The following OTUD5 variants were observed in gnomAD, a reference collection of about 807,000 sequenced individuals.
OTUD5 encodes the protein OTU deubiquitinase 5.
In OTUD5, 2 loss-of-function variants were observed where a neutral mutation model predicts 36.3. The observed-to-expected ratio is 0.06, with a 90% CI of 0.02 to 0.17. OTUD5 has a LOEUF of 0.17. Ranked by LOEUF, OTUD5 falls within the 10% of genes least tolerant of loss-of-function variation. The pLI is 1.00. For synonymous variants in OTUD5, 234 were observed against 214.9 expected (o/e 1.09, Z -0.78); for missense variants, 233 against 512.3 (o/e 0.45, Z 5.26).
In OTUD5 at chrX:48,922,704, C is replaced by A. The variant is rs782394079; in HGVS notation, c.*470G>T. 3.4e-5 allele frequency: 26 copies of A among 755,804 alleles called. No individual in the cohort carries two copies. The highest frequency in any genetic ancestry group is 4.1e-5 in the Non-Finnish European group (26 of 640,879). The allele number at this position is 755,804 out of a possible 1,213,427, so 62.3% of individuals were successfully genotyped here. A position where few individuals can be genotyped will look rare whatever the true frequency, so the allele number is the denominator to read the frequency against. On this transcript the variant is annotated 3_prime_UTR_variant, in exon 9 of 9. Transcript: ENST00000376488. ...GAAGGCTCAGACGTTCTTGGGGGTA[C>A]TGGGAAGGGAAATTTCCCACTTCTT... is the stretch of plus-strand genomic sequence containing the variant.
chrX:48,955,729 G>A (rs781857979), intron 1 of OTUD5, among the ~76,000 whole-genome samples: 17 of 111,081 alleles, frequency 1.5e-4, no homozygotes, highest in African/African-American at 5.6e-4. Context: ...AAGGTGGGAG[G>A]GCCTCAAACC....
At chrX:48,932,753 C>T (rs1557049105) in intron 5 of OTUD5, among the ~76,000 whole-genome samples, 4 of 110,382 alleles carry the variant, frequency 3.6e-5, no homozygotes, top group African/African-American at 1.3e-4. Flanking sequence ...AGGTCAGCCT[C>T]GGCAATATAG....
intron 2 of OTUD5, among the ~76,000 whole-genome samples, chrX:48,942,462 T>A (rs1376246944): frequency 1.8e-5 from 2 of 110,737 alleles, no homozygotes; most frequent in Non-Finnish European, 3.8e-5. Context: ...CCAGAAGCCC[T>A]GCTTACCCCA....
Position 48,957,325 on chromosome X carries a change from C to A in OTUD5, c.246G>T (p.Ala82=). The A allele has an allele frequency of 8.8e-7, 1 of 1,133,221 alleles. No individual in the cohort carries two copies. Among genetic ancestry groups the A allele is most frequent in the Non-Finnish European group, 1.2e-6 (1 of 865,313 alleles). The allele number at this position is 1,133,221 out of a possible 1,213,427, so 93.4% of individuals were successfully genotyped here. Residue 82 remains alanine, a synonymous_variant, in exon 1 of 9, where the codon GCG becomes GCT. Transcript: ENST00000376488. ...PGPPGALHRW[A]LAVPPGAVAG... is the part of the protein sequence containing the mutation. ...CCACTGCACCAGGCGGCACGGCCAG[C>A]GCCCAGCGATGAAGAGCGCCCGGCG...
chrX:48,943,654 A>G (rs1394894255), intron 2 of OTUD5, among the ~76,000 whole-genome samples: 1 of 111,569 alleles, frequency 9.0e-6, no homozygotes, highest in Non-Finnish European at 1.9e-5. Context: ...GATAGCCCCC[A>G]TACACACAGA....
intron 2 of OTUD5, among the ~76,000 whole-genome samples, chrX:48,941,789 C>T (rs1475812588): frequency 5.4e-5 from 6 of 111,823 alleles, no homozygotes; most frequent in Non-Finnish European, 9.4e-5. Flanking sequence ...TGTCCCCATC[C>T]AGGCGAGGCT....
intron 1 of OTUD5, among the ~76,000 whole-genome samples, chrX:48,951,350 C>T (rs985115286): frequency 2.7e-5 from 3 of 112,269 alleles, no homozygotes; most frequent in Admixed American, 9.3e-5. Flanking sequence ...CGTGGTGGCT[C>T]ACGCCTGTAA....
chrX:48,955,449 G>A (rs2064221112), intron 1 of OTUD5, among the ~76,000 whole-genome samples: 1 of 111,500 alleles, frequency 9.0e-6, no homozygotes, highest in Non-Finnish European at 1.9e-5. Context: ...TGTTTCTCAG[G>A]TGTACATCTT....
At chrX:48,956,837 C>T in intron 1 of OTUD5, 140 bp downstream of exon 1, 1 of 662,822 alleles carries the variant, frequency 1.5e-6, no homozygotes, top group African/African-American at 2.3e-5. Context: ...TCTCACATCC[C>T]TACCGCCAGA....
chrX:48,936,507 A>T (rs1459745712), intron 2 of OTUD5: 1 of 111,446 alleles, frequency 9.0e-6, no homozygotes. Flanking sequence ...TCAGACTCCC[A>T]AAGTGCCTGG....
At chrX:48,933,545 G>A (rs1392567290) in intron 5 of OTUD5, among the ~76,000 whole-genome samples, 3 of 109,463 alleles carry the variant, frequency 2.7e-5, no homozygotes, top group African/African-American at 1.0e-4. Context: ...CCTCCCAAGA[G>A]TAGTTGGGAT....
intron 6 of OTUD5, 47 bp downstream of exon 6, chrX:48,925,800 G>GA: frequency 9.4e-7 from 1 of 1,058,704 alleles, no homozygotes; most frequent in Non-Finnish European, 1.3e-6. Context: ...CAAAGCATGA[G>GA]AAGTAATGAG....
At chrX:48,945,319 G>A (rs1348794421) in intron 1 of OTUD5, among the ~76,000 whole-genome samples, 7 of 93,412 alleles carry the variant, frequency 7.5e-5, no homozygotes, top group East Asian at 3.3e-4. Context: ...TGCCCAGGCC[G>A]GAGTGCAGTG....
intron 1 of OTUD5, among the ~76,000 whole-genome samples, chrX:48,948,778 T>C (rs781896493): frequency 9.0e-6 from 1 of 111,689 alleles, no homozygotes; most frequent in South Asian, 3.7e-4. Context: ...GCTCCAACAA[T>C]GCCCTGGCCT....
intron 2 of OTUD5, chrX:48,940,824 C>T (rs2063906982): frequency 8.9e-6 from 1 of 112,065 alleles, no homozygotes; most frequent in African/African-American, 3.2e-5. Context: ...TCATGAATCC[C>T]CAATAAGAGG....
chrX:48,946,195 G>A (rs1331232746), intron 1 of OTUD5, among the ~76,000 whole-genome samples: 4 of 112,349 alleles, frequency 3.6e-5, no homozygotes, highest in Non-Finnish European at 5.6e-5. Context: ...GGTTTGGAAC[G>A]CAAGAGCTCT....
rs2064260846 is a variant in OTUD5 at position 48,957,167 on chromosome X, C to T, written c.404G>A (p.Gly135Asp). The T allele has an allele frequency of 2.6e-6, 3 of 1,135,734 alleles. No homozygotes were observed. The highest frequency in any genetic ancestry group is 3.5e-6 in the Non-Finnish European group (3 of 865,050). The allele number at this position is 1,135,734 out of a possible 1,213,427, so 93.6% of individuals were successfully genotyped here. A position where few individuals can be genotyped will look rare whatever the true frequency, so the allele number is the denominator to read the frequency against. Reference sequence around the variant, plus strand: ...GCAGCAGCCGCCCACGCCTACGGCACCACCCACACCCACCACCACGCCCGC... The same window carrying T: ...GCAGCAGCCGCCCACGCCTACGGCATCACCCACACCCACCACCACGCCCGC... ...GAAGVVVGVGGAVGVGGCCSG... is the reference protein window; with the variant it reads ...GAAGVVVGVGDAVGVGGCCSG... Residue 135 changes from glycine to aspartate, a missense_variant, in exon 1 of 9, where the codon GGT becomes GAT. This residue lies in a region of OTUD5 where 155 missense variants were observed against 217.2 expected (regional missense o/e 0.71). Coordinates refer to ENST00000376488, the MANE Select transcript of OTUD5 (RefSeq NM_001136157.2).
chrX:48,956,856 T>A lies in OTUD5; in HGVS notation c.594+121A>T, dbSNP rs1045303555. On this transcript the variant is annotated intron_variant, in intron 1 of 8. Transcript: ENST00000376488. Reference sequence around the variant, plus strand: ...ACATCCCTACCGCCAGAGAAGACTGTCAGGCCCAGTGAAAACGCCTAGATC... The same window carrying A: ...ACATCCCTACCGCCAGAGAAGACTGACAGGCCCAGTGAAAACGCCTAGATC... The A allele has an allele frequency of 4.5e-5, 34 of 754,488 alleles. No individual in the cohort carries two copies. In the African/African-American group the frequency reaches 7.4e-4, roughly 16 times the overall value. The allele number at this position is 754,488 out of a possible 1,213,427, so 62.2% of individuals were successfully genotyped here.
intron 5 of OTUD5, among the ~76,000 whole-genome samples, chrX:48,933,087 GC>G (rs1257309255): frequency 8.9e-6 from 1 of 112,104 alleles, no homozygotes; most frequent in Non-Finnish European, 1.9e-5. Flanking sequence ...GTCTGAAAAA[GC>G]TACATACTGT....
Sources: gnomAD v4.1 joint callset for allele counts (sites outside exome capture counted in the v4.1 genomes callset) on GRCh38, gnomAD v4.1.1 for gene constraint, gnomAD v4.1.1 regional missense constraint, MANE v1.5 for transcripts, NCBI Gene and HGNC (gene_info 2026-07-23, HGNC 2026-07-21) for gene names.